CDH13: variants seen among roughly 807,000 people sequenced by gnomAD.
The protein encoded by CDH13 is cadherin 13.
CDH13 carries 24 observed loss-of-function variants against 63.8 expected under a neutral mutation model. That is an observed-to-expected ratio of 0.38 (90% CI 0.27 to 0.53). The LOEUF is 0.53. Among genes scored for constraint, CDH13 ranks in the 20% least tolerant of loss-of-function variants. The pLI is 0.85. For synonymous variants in CDH13, 503 were observed against 355.3 expected (o/e 1.42, Z -4.67); for missense variants, 1,049 against 903.1 (o/e 1.16, Z -2.07).
intron 7 of CDH13, among the ~76,000 whole-genome samples, chr16:83,584,609 A>G (rs936567361): frequency 6.6e-6 from 1 of 152,222 alleles, no homozygotes; most frequent in Non-Finnish European, 1.5e-5. Flanking sequence ...AAGAAAGGCA[A>G]AAGTGAGTGG....
chr16:82,989,036 A>C (rs1911324852), intron 2 of CDH13, among the ~76,000 whole-genome samples: 1 of 152,190 alleles, frequency 6.6e-6, no homozygotes, highest in South Asian at 2.1e-4. Flanking sequence ...TGAAAGAGTG[A>C]ACTACTAAGT....
chr16:83,095,719 G>T (rs572747069), intron 3 of CDH13, among the ~76,000 whole-genome samples: 1 of 152,236 alleles, frequency 6.6e-6, no homozygotes, highest in African/African-American at 2.4e-5. Context: ...TGAATTCAGA[G>T]GATAGTAGTA....
At chr16:83,081,414 T>C (rs945859252) in intron 3 of CDH13, among the ~76,000 whole-genome samples, 1 of 151,938 alleles carries the variant, frequency 6.6e-6, no homozygotes, top group Non-Finnish European at 1.5e-5. Flanking sequence ...CCATCCAACC[T>C]AGAACAAGGA....
chr16:82,764,541 G>T (rs927403502), intron 1 of CDH13, among the ~76,000 whole-genome samples: 3 of 152,040 alleles, frequency 2.0e-5, no homozygotes, highest in Admixed American at 1.3e-4. Context: ...AGCCTTAGTG[G>T]GATTAAAAAT....
chr16:83,123,343 G>C (rs959368249), intron 3 of CDH13, among the ~76,000 whole-genome samples: 2 of 151,764 alleles, frequency 1.3e-5, no homozygotes, highest in Non-Finnish European at 2.9e-5. Context: ...GCAATGGCGC[G>C]ATCTCGGCTC....
At chr16:82,794,472 T>A (rs1394914798) in intron 1 of CDH13, among the ~76,000 whole-genome samples, 1 of 151,766 alleles carries the variant, frequency 6.6e-6, no homozygotes, top group African/African-American at 2.4e-5. Context: ...AGAGAATCAT[T>A]TAAAATATTT....
intron 1 of CDH13, among the ~76,000 whole-genome samples, chr16:82,732,043 T>G (rs538747650): frequency 7.9e-5 from 12 of 152,332 alleles, no homozygotes; most frequent in African/African-American, 2.6e-4. Flanking sequence ...AAGACTTCTT[T>G]GATCCCTTCA....
intron 1 of CDH13, among the ~76,000 whole-genome samples, chr16:82,725,113 G>A (rs934696114): frequency 7.5e-6 from 1 of 134,152 alleles, no homozygotes; most frequent in Non-Finnish European, 1.7e-5. Flanking sequence ...TGTGCGGATG[G>A]TGATGGTGAT....
At chr16:83,116,752 C>T (rs141022709) in intron 3 of CDH13, among the ~76,000 whole-genome samples, 35 of 152,282 alleles carry the variant, frequency 2.3e-4, no homozygotes, top group East Asian at 1.9e-4. Flanking sequence ...ACACTTAAAA[C>T]GGGTGAATTT....
At chr16:83,270,393 G>A (rs749889920) in intron 5 of CDH13, among the ~76,000 whole-genome samples, 2 of 152,174 alleles carry the variant, frequency 1.3e-5, no homozygotes, top group East Asian at 3.9e-4. Context: ...GAGGAAATAC[G>A]GTTTGTTTTT....
chr16:82,920,238 G>A (rs1031865604), intron 2 of CDH13, among the ~76,000 whole-genome samples: 5 of 152,126 alleles, frequency 3.3e-5, no homozygotes, highest in African/African-American at 4.8e-5. Context: ...CATTCCCCAT[G>A]CGTCACCCCT....
chr16:82,852,933 A>G (rs1161545057), intron 1 of CDH13, among the ~76,000 whole-genome samples: 1 of 152,204 alleles, frequency 6.6e-6, no homozygotes, highest in Non-Finnish European at 1.5e-5. Flanking sequence ...GCAAACTCCA[A>G]AGTTGGGTAT....
At chr16:83,742,596 G>T (rs941854772) in intron 10 of CDH13, among the ~76,000 whole-genome samples, 2 of 152,204 alleles carry the variant, frequency 1.3e-5, no homozygotes, top group Non-Finnish European at 2.9e-5. Context: ...GAAAATGTCA[G>T]AAATTTACAT....
chr16:83,058,493 G>A (rs1030703299), intron 3 of CDH13, among the ~76,000 whole-genome samples: 1 of 152,160 alleles, frequency 6.6e-6, no homozygotes, highest in Non-Finnish European at 1.5e-5. Context: ...GATGACAGGG[G>A]CGTCGTTTAT....
Position 83,067,487 on chromosome 16 carries a change from A to C in CDH13, c.366+35269A>C, listed in dbSNP as rs559993624. On this transcript the variant is annotated intron_variant, in intron 3 of 13. Transcript: ENST00000567109. ...TAGTGTTTGAGACATGATTGTGCTC[A>C]AGAAATGATAGGAAACAAACGTACA... 6.2e-4 allele frequency among the ~76,000 whole-genome samples: 95 copies of C among 152,332 alleles called. 1 individual carries two copies. Among genetic ancestry groups the C allele is most frequent in the African/African-American group, 2.2e-3 (93 of 41,576 alleles).
chr16:83,779,014 C>T (rs904502851), intron 11 of CDH13, among the ~76,000 whole-genome samples: 12 of 152,184 alleles, frequency 7.9e-5, no homozygotes, highest in African/African-American at 2.9e-4. Context: ...TATTTATCTC[C>T]ATTCTTTGAA....
chr16:82,793,463 T>TGTG (rs1050345654), intron 1 of CDH13, among the ~76,000 whole-genome samples: 2 of 151,984 alleles, frequency 1.3e-5, no homozygotes, highest in Non-Finnish European at 1.5e-5. Context: ...AAAAATACCC[T>TGTG]GTGGAGTTCC....
intron 3 of CDH13, among the ~76,000 whole-genome samples, chr16:83,121,570 T>A (rs1298561423): frequency 2.6e-5 from 4 of 152,220 alleles, no homozygotes; most frequent in Non-Finnish European, 5.9e-5. Flanking sequence ...CGGAACATGG[T>A]CTTCACAGTT....
chr16:82,717,960 C>G (rs16958342), intron 1 of CDH13, among the ~76,000 whole-genome samples: 1 of 152,160 alleles, frequency 6.6e-6, no homozygotes, highest in African/African-American at 2.4e-5. Flanking sequence ...CTGCGAATGT[C>G]ACCCAATGAG....
Sources: allele counts gnomAD v4.1 joint callset (sites outside exome capture counted in the v4.1 genomes callset), GRCh38; gene constraint gnomAD v4.1.1; transcripts MANE v1.5; gene names NCBI Gene and HGNC (gene_info 2026-07-23, HGNC 2026-07-21).